ENPP1: variants seen among roughly 807,000 people sequenced by gnomAD.
ENPP1 encodes the protein ectonucleotide pyrophosphatase/phosphodiesterase family member 1.
ENPP1 carries 73 observed loss-of-function variants against 122.8 expected under a neutral mutation model. That is an observed-to-expected ratio of 0.59 (90% CI 0.49 to 0.72). ENPP1 has a LOEUF of 0.72. Ranked by LOEUF, ENPP1 falls within the 30% of genes least tolerant of loss-of-function variation. ENPP1 has a pLI of 0.00. For synonymous variants in ENPP1, 367 were observed against 391.6 expected (o/e 0.94, Z 0.74); for missense variants, 978 against 1,128.1 (o/e 0.87, Z 1.91).
At position 131,877,094 on chromosome 6, in the gene ENPP1, A is replaced by T. The variant is rs1782239117; in HGVS notation, c.1826A>T (p.His609Leu). The change falls in exon 18 of 25, where the codon CAC (histidine) becomes CTC (leucine). Residue 609 changes from histidine (H) to leucine (L), a missense_variant. Transcript: ENST00000647893. ...VYTPKHPKEVHPLVQCPFTRN... is the reference protein window; with the variant it reads ...VYTPKHPKEVLPLVQCPFTRN... ...ACGCCAAAGCATCCCAAAGAAGTGCACCCCCTGGTACAGTGCCCCTTCACA... is the reference window on the plus strand; with the variant it reads ...ACGCCAAAGCATCCCAAAGAAGTGCTCCCCCTGGTACAGTGCCCCTTCACA... 6.2e-7 allele frequency: 1 copy of T among 1,613,908 alleles called. No homozygotes were observed. The highest frequency in any genetic ancestry group is 1.1e-5 in the South Asian group (1 of 91,076).
At chr6:131,851,456 G>C (rs1053474750) in intron 4 of ENPP1, 189 bp downstream of exon 4, 2 of 630,894 alleles carry the variant, frequency 3.2e-6, no homozygotes, top group African/African-American at 3.7e-5. Flanking sequence ...AGTATGTAAT[G>C]AACATTATAC....
rs181135045 is a variant in ENPP1, at chr6:131,867,490, T to C, written c.1165-528T>C. Reference sequence around the variant, plus strand: ...GTTCTAATTTAGAAAATTAAATACATTGAATTATAAGAAGCATTTCATGAA... The same window carrying C: ...GTTCTAATTTAGAAAATTAAATACACTGAATTATAAGAAGCATTTCATGAA... On this transcript the variant is annotated intron_variant, in intron 11 of 24. Coordinates refer to ENST00000647893, the MANE Select transcript of ENPP1 (RefSeq NM_006208.3). Among the ~76,000 whole-genome samples, 4 of 152,328 alleles carry C rather than the reference T, an allele frequency of 2.6e-5. No individual in the cohort carries two copies. The East Asian group carries it at 5.8e-4, about 22-fold the overall frequency.
At chr6:131,846,814 G>A (rs574344236) in intron 1 of ENPP1, among the ~76,000 whole-genome samples, 1 of 152,176 alleles carries the variant, frequency 6.6e-6, no homozygotes, top group Non-Finnish European at 1.5e-5. Context: ...AAAAAAAATT[G>A]AGGATTGTTT....
At chr6:131,889,928 T>G (rs112383651) in intron 24 of ENPP1, among the ~76,000 whole-genome samples, 15 of 151,540 alleles carry the variant, frequency 9.9e-5, no homozygotes, top group African/African-American at 3.6e-4. Flanking sequence ...GCATTCCTTT[T>G]TCTCCACAAC....
intron 24 of ENPP1, among the ~76,000 whole-genome samples, chr6:131,889,284 G>A (rs1782430429): frequency 6.6e-6 from 1 of 152,256 alleles, no homozygotes; most frequent in Non-Finnish European, 1.5e-5. Flanking sequence ...TGTTGCATAG[G>A]TAAATGTGTG....
intron 19 of ENPP1, among the ~76,000 whole-genome samples, chr6:131,879,093 C>T (rs1031019167): frequency 6.6e-6 from 1 of 152,108 alleles, no homozygotes; most frequent in South Asian, 2.1e-4. Flanking sequence ...ACTCTCTCAG[C>T]CTTAAGTTAC....
At chr6:131,890,226 G>T (rs1390751687) in intron 24 of ENPP1, 115 bp from the exon 25 acceptor site, 1 of 837,782 alleles carries the variant, frequency 1.2e-6, no homozygotes, top group East Asian at 2.4e-5. Flanking sequence ...CATGTGGCAC[G>T]TTCCACTTCA....
chr6:131,856,281 T>A (rs1419431572), intron 6 of ENPP1, among the ~76,000 whole-genome samples: 1 of 151,938 alleles, frequency 6.6e-6, no homozygotes, highest in Non-Finnish European at 1.5e-5. Context: ...GCTGCATAAA[T>A]GTCTTCTTTT....
Position 131,874,320 on chromosome 6 carries a change from G to A in ENPP1, c.1618G>A (p.Val540Ile). The A allele has an allele frequency of 6.3e-7, 1 of 1,591,580 alleles. No homozygotes were observed. Among genetic ancestry groups the A allele is most frequent in the Non-Finnish European group, 8.6e-7 (1 of 1,160,690 alleles). The change falls in exon 16 of 25, where the codon GTA becomes ATA. Residue 540 changes from valine to isoleucine, a missense_variant. Val to Ile is a conservative substitution (Grantham distance 29, BLOSUM62 3). Coordinates refer to ENST00000647893, the MANE Select transcript of ENPP1 (RefSeq NM_006208.3). ...AAGTGGATTTCATGGCTCTGACAAT[G>A]TATTTTCAAATATGCAAGTGAGTAA... ...CGSGFHGSDNVFSNMQALFVG... is the reference protein window; with the variant it reads ...CGSGFHGSDNIFSNMQALFVG...
rs112363529 is a variant in ENPP1 at position 131,846,027 on chromosome 6, A to T, written c.241-1749A>T. Among the ~76,000 whole-genome samples, 343 of 152,320 alleles carry T rather than the reference A, an allele frequency of 2.3e-3. 2 individuals are homozygous for T. The highest frequency in any genetic ancestry group is 7.4e-3 in the African/African-American group (308 of 41,576). ...TTATCCATTTTATTTTGAAGTAAGT[A>T]AGACCTGCTGCCTCACTTTCCTTAC... On this transcript the variant is annotated intron_variant, in intron 1 of 24. Coordinates refer to ENST00000647893, the MANE Select transcript of ENPP1 (RefSeq NM_006208.3).
In ENPP1 at chr6:131,825,850, A is replaced by T. The variant is rs1781539162; in HGVS notation, c.240+17575A>T. ...TCCCTTTCTAATTATAAGCTCATAT[A>T]TTAATTACTAATTTTTTTCATAATA... On this transcript the variant is annotated intron_variant, in intron 1 of 24. Coordinates refer to ENST00000647893, the MANE Select transcript of ENPP1 (RefSeq NM_006208.3). The T allele has an allele frequency of 1.6e-5, 4 of 249,448 alleles. No homozygotes were observed. The South Asian group carries it at 2.4e-4, about 15-fold the overall frequency. 15.5% of individuals were successfully genotyped at this position (249,448 alleles called of 1,614,324 possible).
At chr6:131,866,553 A>C (rs1181275281) in intron 11 of ENPP1, among the ~76,000 whole-genome samples, 1 of 152,194 alleles carries the variant, frequency 6.6e-6, no homozygotes, top group Non-Finnish European at 1.5e-5. Flanking sequence ...CCCCTCTTAA[A>C]AAGTAGGTAC....
intron 1 of ENPP1, among the ~76,000 whole-genome samples, chr6:131,813,094 G>A (rs899071273): frequency 2.0e-5 from 3 of 152,100 alleles, no homozygotes; most frequent in Non-Finnish European, 4.4e-5. Flanking sequence ...ACCCACCTCA[G>A]CCTCCCAAAG....
At chr6:131,880,582 A>G (rs553639204) in intron 20 of ENPP1, among the ~76,000 whole-genome samples, 11 of 151,854 alleles carry the variant, frequency 7.2e-5, no homozygotes, top group Middle Eastern at 3.4e-3. Flanking sequence ...AAAAAAAGAA[A>G]GAAAGAAAGA....
intron 13 of ENPP1, among the ~76,000 whole-genome samples, chr6:131,871,288 A>G (rs1782159137): frequency 6.6e-6 from 1 of 152,210 alleles, no homozygotes; most frequent in Non-Finnish European, 1.5e-5. Flanking sequence ...ATGTTTGGCT[A>G]AAATAAAATC....
At chr6:131,819,010 A>G (rs1376652243) in intron 1 of ENPP1, among the ~76,000 whole-genome samples, 2 of 152,254 alleles carry the variant, frequency 1.3e-5, no homozygotes, top group African/African-American at 4.8e-5. Flanking sequence ...TAGAATTTTG[A>G]AAAACTTGTA....
intron 1 of ENPP1, chr6:131,826,679 C>A: frequency 1.5e-6 from 1 of 680,860 alleles, no homozygotes; most frequent in Non-Finnish European, 2.4e-6. Context: ...AGTTTGCTTC[C>A]CTCATTATCA....
At chr6:131,829,920 G>T (rs1781589444) in intron 1 of ENPP1, among the ~76,000 whole-genome samples, 1 of 152,164 alleles carries the variant, frequency 6.6e-6, no homozygotes, top group Non-Finnish European at 1.5e-5. Flanking sequence ...TCTCTTTCCT[G>T]TTGGCCTCTC....
intron 1 of ENPP1, among the ~76,000 whole-genome samples, chr6:131,812,116 G>C (rs1035603571): frequency 2.0e-5 from 3 of 152,160 alleles, no homozygotes. Flanking sequence ...TAAGCATCTA[G>C]CTATTATGAT....
Sources: gnomAD v4.1 joint callset for allele counts (sites outside exome capture counted in the v4.1 genomes callset) on GRCh38, gnomAD v4.1.1 for gene constraint, MANE v1.5 for transcripts, NCBI Gene and HGNC (gene_info 2026-07-23, HGNC 2026-07-21) for gene names.